The following TSHR variants were observed in gnomAD, a reference collection of about 807,000 sequenced individuals.
The protein encoded by TSHR is thyrotropin receptor.
In TSHR, 51 loss-of-function variants were observed where a neutral mutation model predicts 64.1. That is an observed-to-expected ratio of 0.80 (90% CI 0.64 to 1.01). The LOEUF (loss-of-function observed/expected upper bound fraction) is 1.01, where lower values mean the gene tolerates loss of function less well. Ranked by LOEUF, TSHR falls within the 50% of genes least tolerant of loss-of-function variation. The pLI is 0.00. For missense variants in TSHR, 877 were observed against 942.8 expected (o/e 0.93, Z 0.91); for synonymous variants, 361 against 361.9 (o/e 1.00, Z 0.03).
At chr14:80,976,101 C>T (rs935116078) in intron 1 of TSHR, among the ~76,000 whole-genome samples, 20 of 152,092 alleles carry the variant, frequency 1.3e-4, no homozygotes, top group African/African-American at 3.9e-4. Flanking sequence ...TTACTAGAGA[C>T]GGGGTTTCAC....
chr14:81,127,846 G>C (rs531295921), intron 8 of TSHR, among the ~76,000 whole-genome samples: 1 of 152,268 alleles, frequency 6.6e-6, no homozygotes, highest in African/African-American at 2.4e-5. Context: ...CCAGCCACGT[G>C]GAACTGTGAG....
At chr14:81,079,965 G>C (rs200043552) in intron 3 of TSHR, among the ~76,000 whole-genome samples, 1 of 111,930 alleles carries the variant, frequency 8.9e-6, no homozygotes, top group Non-Finnish European at 2.0e-5. Context: ...TTGTTTGTTT[G>C]TTTTTGAGAC....
chr14:81,026,839 C>G (rs796522704), intron 1 of TSHR, among the ~76,000 whole-genome samples: 29 of 152,062 alleles, frequency 1.9e-4, no homozygotes, highest in African/African-American at 6.7e-4. Context: ...AGTTCAAGAC[C>G]AGCCTGGCCA....
intron 1 of TSHR, among the ~76,000 whole-genome samples, chr14:81,028,323 G>A (rs531758527): frequency 7.2e-5 from 11 of 152,072 alleles, no homozygotes; most frequent in South Asian, 4.2e-4. Flanking sequence ...AAATTTAATC[G>A]CAAAATAGTA....
At chr14:81,129,727 C>G (rs148054513) in intron 8 of TSHR, among the ~76,000 whole-genome samples, 1 of 152,210 alleles carries the variant, frequency 6.6e-6, no homozygotes, top group Admixed American at 6.5e-5. Context: ...TGTCCCACTA[C>G]CACATCTACC....
rs1427809222 is a variant in TSHR, at chr14:81,096,702, T to C, written c.609T>C (p.Asp203=). ...QGYAFNGTKL[D]AVYLNKNKYL... ...ATGCTTTCAATGGGACAAAGCTGGA[T>C]GCTGTGTAAGTCAAGGGTAGCCATG... is the stretch of plus-strand genomic sequence containing the variant. The change falls in exon 7 of 10, where the codon GAT becomes GAC. Residue 203 remains aspartate (D), a synonymous_variant. Coordinates refer to ENST00000298171, the MANE Select transcript of TSHR (RefSeq NM_000369.5). The C allele has an allele frequency of 6.2e-7, 1 of 1,613,466 alleles. No individual in the cohort carries two copies. The highest frequency in any genetic ancestry group is 8.5e-7 in the Non-Finnish European group (1 of 1,179,618).
At chr14:81,048,443 G>T (rs1261015911) in intron 1 of TSHR, among the ~76,000 whole-genome samples, 2 of 151,988 alleles carry the variant, frequency 1.3e-5, no homozygotes, top group Non-Finnish European at 2.9e-5. Flanking sequence ...TCCCAAAGAT[G>T]GGCATACTAG....
Position 81,143,677 on chromosome 14 carries a change from C to A in TSHR, c.1619C>A (p.Ala540Asp). Reference sequence around the variant, plus strand: ...AAGATCCGCCTCAGGCACGCATGTGCCATCATGGTTGGGGGCTGGGTTTGC... The same window carrying A: ...AAGATCCGCCTCAGGCACGCATGTGACATCATGGTTGGGGGCTGGGTTTGC... The part of the protein sequence containing the change: ...DRKIRLRHAC[A>D]IMVGGWVCCF... The change falls in exon 10 of 10, where the codon GCC (alanine) becomes GAC (aspartate). Residue 540 changes from alanine (A) to aspartate (D), a missense_variant. By Grantham distance (126) the Ala-to-Asp change is moderately radical. Transcript: ENST00000298171. The A allele has an allele frequency of 1.9e-6, 3 of 1,614,214 alleles. No individual in the cohort carries two copies. Among genetic ancestry groups the A allele is most frequent in the South Asian group, 2.2e-5 (2 of 91,082 alleles).
At chr14:80,997,338 G>T (rs1889076362) in intron 1 of TSHR, among the ~76,000 whole-genome samples, 1 of 152,162 alleles carries the variant, frequency 6.6e-6, no homozygotes, top group Admixed American at 6.5e-5. Context: ...GCTAAACACG[G>T]ACAAATAGTA....
At chr14:81,114,338 A>G (rs1237792726) in intron 8 of TSHR, among the ~76,000 whole-genome samples, 1 of 152,200 alleles carries the variant, frequency 6.6e-6, no homozygotes, top group African/African-American at 2.4e-5. Flanking sequence ...TGCGCGAGCC[A>G]AAGCAGGGCG....
chr14:81,124,346 C>A lies in TSHR; in HGVS notation c.693-15333C>A, dbSNP rs141849059. 1.6e-3 allele frequency among the ~76,000 whole-genome samples: 249 copies of A among 152,056 alleles called. 3 individuals carry two copies. In the East Asian group the frequency reaches 0.037, roughly 22 times the overall value. On this transcript the variant is annotated intron_variant, in intron 8 of 9. Transcript: ENST00000298171. ...TGAATACACGATTTTCTAGGATGAT[C>A]CTGAGCAAACATATATTTTAAATAT...
intron 1 of TSHR, among the ~76,000 whole-genome samples, chr14:80,971,569 TA>T (rs1887590147): frequency 6.6e-6 from 1 of 152,234 alleles, no homozygotes; most frequent in Non-Finnish European, 1.5e-5. Context: ...TTAAGTTTGT[TA>T]AAGTGCATTG....
chr14:81,018,623 C>T (rs1283386091), intron 1 of TSHR, among the ~76,000 whole-genome samples: 2 of 152,108 alleles, frequency 1.3e-5, no homozygotes, highest in African/African-American at 4.8e-5. Context: ...AAGATGTAAC[C>T]TACTTATCTA....
At chr14:80,956,055 T>C (rs983899691) in intron 1 of TSHR, 16 of 646,850 alleles carry the variant, frequency 2.5e-5, no homozygotes, top group Non-Finnish European at 3.6e-5. Flanking sequence ...GTTGACATCC[T>C]CATTCCCAAC....
chr14:80,974,782 T>A (rs150581771), intron 1 of TSHR, among the ~76,000 whole-genome samples: 11 of 152,324 alleles, frequency 7.2e-5, no homozygotes, highest in African/African-American at 2.4e-4. Flanking sequence ...CTTTTTGTAT[T>A]GTATCCAATA....
chr14:81,123,243 A>T (rs184422528), intron 8 of TSHR, among the ~76,000 whole-genome samples: 8 of 152,358 alleles, frequency 5.3e-5, no homozygotes, highest in Non-Finnish European at 4.4e-5. Flanking sequence ...GAAATGAACA[A>T]AGAAGAGTCC....
At chr14:81,058,931 C>G (rs1307167025) in intron 1 of TSHR, among the ~76,000 whole-genome samples, 2 of 152,016 alleles carry the variant, frequency 1.3e-5, no homozygotes, top group Non-Finnish European at 2.9e-5. Context: ...AACATCCAGC[C>G]CCTTGCCCCT....
At chr14:80,968,216 G>A (rs1887415945) in intron 1 of TSHR, among the ~76,000 whole-genome samples, 2 of 152,080 alleles carry the variant, frequency 1.3e-5, no homozygotes, top group Non-Finnish European at 2.9e-5. Context: ...GCTGCAGCAG[G>A]GCTAGCATAA....
Position 80,955,707 on chromosome 14 carries a change from G to C in TSHR, c.27G>C (p.Leu9=). ...TGAGGCCGGCGGACTTGCTGCAGCT[G>C]GTGCTGCTGCTCGACCTGCCCAGGG... MRPADLLQ[L]VLLLDLPRDL... is the part of the protein sequence containing the mutation. Residue 9 remains leucine (L), a synonymous_variant, in exon 1 of 10, where the codon CTG becomes CTC. Coordinates refer to ENST00000298171, the MANE Select transcript of TSHR (RefSeq NM_000369.5). The C allele has an allele frequency of 1.2e-6, 2 of 1,614,124 alleles. No individual in the cohort carries two copies. The highest frequency in any genetic ancestry group is 8.5e-7 in the Non-Finnish European group (1 of 1,180,010).
Sources: allele counts gnomAD v4.1 joint callset (sites outside exome capture counted in the v4.1 genomes callset), GRCh38; gene constraint gnomAD v4.1.1; transcripts MANE v1.5; gene names NCBI Gene and HGNC (gene_info 2026-07-23, HGNC 2026-07-21).